The following DAAM1 variants were observed in gnomAD, a reference collection of about 807,000 sequenced individuals.
DAAM1 encodes disheveled-associated activator of morphogenesis 1.
In DAAM1, 52 loss-of-function variants were observed where a neutral mutation model predicts 130.0. The ratio of observed to expected loss-of-function variants is 0.40; its 90% CI spans 0.32 to 0.50. The LOEUF (loss-of-function observed/expected upper bound fraction) is 0.50, where lower values mean the gene tolerates loss of function less well. Ranked by LOEUF, DAAM1 falls within the 20% of genes least tolerant of loss-of-function variation. The probability of loss-of-function intolerance (pLI) is 0.61; values close to 1 mark genes in which losing one functional copy is unlikely to be tolerated. For synonymous variants in DAAM1, 452 were observed against 444.5 expected (o/e 1.02, Z -0.21); for missense variants, 1,134 against 1,303.8 (o/e 0.87, Z 2.01).
intron 3 of DAAM1, among the ~76,000 whole-genome samples, chr14:59,305,943 CA>C (rs996157580): frequency 6.6e-6 from 1 of 152,150 alleles, no homozygotes; most frequent in Non-Finnish European, 1.5e-5. Context: ...TTTGTGCTCT[CA>C]AGGAAATGTC....
chr14:59,201,260 T>C (rs1888096414), intron 1 of DAAM1, among the ~76,000 whole-genome samples: 1 of 150,770 alleles, frequency 6.6e-6, no homozygotes, highest in Non-Finnish European at 1.5e-5. Flanking sequence ...TCGGGAAATG[T>C]AGTTATAGTT....
chr14:59,273,852 A>G (rs1050559691), intron 2 of DAAM1, among the ~76,000 whole-genome samples: 1 of 152,160 alleles, frequency 6.6e-6, no homozygotes, highest in Non-Finnish European at 1.5e-5. Context: ...ATGCTCTGGG[A>G]ATTATCTAGT....
intron 4 of DAAM1, among the ~76,000 whole-genome samples, chr14:59,320,077 A>G (rs898762825): frequency 6.6e-6 from 1 of 152,242 alleles, no homozygotes; most frequent in Non-Finnish European, 1.5e-5. Context: ...AGATGTAACA[A>G]AATCCCTTTG....
At chr14:59,263,405 C>T in intron 1 of DAAM1, 36 bp from the exon 2 acceptor site, 2 of 1,573,770 alleles carry the variant, frequency 1.3e-6, no homozygotes, top group Non-Finnish European at 1.7e-6. Context: ...TTATCTGTTC[C>T]TGTACTCTTA....
intron 3 of DAAM1, among the ~76,000 whole-genome samples, chr14:59,294,515 C>G (rs539465452): frequency 3.8e-4 from 57 of 151,658 alleles, no homozygotes; most frequent in Non-Finnish European, 7.4e-4. Context: ...CTAAAACTTA[C>G]CGGACTGGTT....
chr14:59,274,959 A>G (rs565097477), intron 2 of DAAM1, among the ~76,000 whole-genome samples: 1 of 152,362 alleles, frequency 6.6e-6, no homozygotes, highest in Admixed American at 6.5e-5. Flanking sequence ...GGTGAAATAA[A>G]TAGCTCCAAT....
At chr14:59,199,258 T>C (rs1485392949) in intron 1 of DAAM1, among the ~76,000 whole-genome samples, 1 of 152,254 alleles carries the variant, frequency 6.6e-6, no homozygotes, top group Non-Finnish European at 1.5e-5. Flanking sequence ...TTTAAATTGA[T>C]CATCACTTTT....
In DAAM1 at chr14:59,370,144, C is replaced by CTTTTTTTTTTTTTTT. The variant is rs398025271; in HGVS notation, c.*1297_*1311dup. The CTTTTTTTTTTTTTTT allele has an allele frequency of 4.2e-5, 4 of 95,376 alleles. No individual in the cohort carries two copies. Among genetic ancestry groups the CTTTTTTTTTTTTTTT allele is most frequent in the Non-Finnish European group, 8.6e-5 (4 of 46,352 alleles). 5.9% of individuals were successfully genotyped at this position (95,376 alleles called of 1,614,324 possible). A position where few individuals can be genotyped will look rare whatever the true frequency, so the allele number is the denominator to read the frequency against. ...TATAAAGAGGACTGTTACTTTTTTA[C>CTTTTTTTTTTTTTTT]TTTTTTTTTTTTTTTTTTTTTTTTT... On this transcript the variant is annotated 3_prime_UTR_variant, in exon 25 of 25. Transcript: ENST00000360909.
intron 1 of DAAM1, among the ~76,000 whole-genome samples, chr14:59,225,096 C>T (rs989136056): frequency 1.5e-5 from 2 of 131,024 alleles, no homozygotes. Context: ...GGCATAATCT[C>T]GGCCCACTGC....
chr14:59,206,074 G>A (rs1001960830), intron 1 of DAAM1, among the ~76,000 whole-genome samples: 1 of 151,816 alleles, frequency 6.6e-6, no homozygotes, highest in Non-Finnish European at 1.5e-5. Context: ...GGCTGGTCTC[G>A]AACTCCTGGG....
chr14:59,251,580 T>C (rs886495406), intron 1 of DAAM1, among the ~76,000 whole-genome samples: 1 of 152,196 alleles, frequency 6.6e-6, no homozygotes, highest in African/African-American at 2.4e-5. Flanking sequence ...GTCATGTCTT[T>C]GGAAGTTTTA....
intron 3 of DAAM1, among the ~76,000 whole-genome samples, chr14:59,300,975 T>A (rs1884145116): frequency 6.6e-6 from 1 of 152,190 alleles, no homozygotes; most frequent in Non-Finnish European, 1.5e-5. Context: ...AGACATGTAG[T>A]TATTGAGTTG....
chr14:59,189,253 G>A (rs1031559630), intron 1 of DAAM1, among the ~76,000 whole-genome samples: 1 of 152,118 alleles, frequency 6.6e-6, no homozygotes, highest in Non-Finnish European at 1.5e-5. Context: ...AGGGAAGGAG[G>A]GACTCGTGTA....
intron 16 of DAAM1, among the ~76,000 whole-genome samples, chr14:59,346,564 C>G (rs1886087817): frequency 1.3e-5 from 2 of 152,022 alleles, no homozygotes; most frequent in South Asian, 2.1e-4. Context: ...GCCAGGAATT[C>G]AAGACCAACC....
chr14:59,246,565 C>T (rs1478254862), intron 1 of DAAM1, among the ~76,000 whole-genome samples: 2 of 152,056 alleles, frequency 1.3e-5, no homozygotes, highest in Non-Finnish European at 2.9e-5. Context: ...TGGATATATT[C>T]CCAGAAGTAT....
Position 59,358,080 on chromosome 14 carries a change from C to A in DAAM1, c.2526-1317C>A, listed in dbSNP as rs906834880. Among the ~76,000 whole-genome samples the A allele has an allele frequency of 4.5e-4, 68 of 149,734 alleles. 1 individual carries two copies. Among genetic ancestry groups the A allele is most frequent in the Admixed American group, 3.7e-3 (57 of 15,230 alleles). ...TTTAAAGGAATGTATTTTTACCCTC[C>A]TAATTCTAACTTCAACAGATAAGTA... On this transcript the variant is annotated intron_variant, in intron 20 of 24. Coordinates refer to ENST00000360909, the MANE Select transcript of DAAM1 (RefSeq NM_001270520.2).
At chr14:59,327,552 C>A (rs1047071756) in intron 12 of DAAM1, among the ~76,000 whole-genome samples, 2 of 151,772 alleles carry the variant, frequency 1.3e-5, no homozygotes, top group African/African-American at 4.8e-5. Flanking sequence ...GGACTACCGG[C>A]GCCCGCCATC....
intron 2 of DAAM1, among the ~76,000 whole-genome samples, chr14:59,281,228 T>C (rs1456176182): frequency 1.3e-5 from 2 of 152,250 alleles, no homozygotes; most frequent in East Asian, 3.9e-4. Context: ...GCTTGGCCAC[T>C]TTTACAACTT....
intron 4 of DAAM1, 93 bp from the exon 5 acceptor site, chr14:59,320,397 A>C (rs1884960202): frequency 2.1e-6 from 2 of 941,294 alleles, no homozygotes; most frequent in South Asian, 1.8e-5. Context: ...TTATATTTAA[A>C]GTGATAGTGA....
Sources: gnomAD v4.1 joint callset for allele counts (sites outside exome capture counted in the v4.1 genomes callset) on GRCh38, gnomAD v4.1.1 for gene constraint, MANE v1.5 for transcripts, NCBI Gene and HGNC (gene_info 2026-07-23, HGNC 2026-07-21) for gene names.